The following STAC variants were observed in gnomAD, a reference collection of about 807,000 sequenced individuals.
STAC encodes SH3 and cysteine rich domain.
STAC carries 43 observed loss-of-function variants against 48.8 expected under a neutral mutation model. That is an observed-to-expected ratio of 0.88 (90% CI 0.69 to 1.14). The LOEUF (loss-of-function observed/expected upper bound fraction) is 1.14, where lower values mean the gene tolerates loss of function less well. STAC is among the 50% of genes most tolerant of loss of function. The pLI, the probability that STAC is intolerant of heterozygous loss-of-function variation, is 0.00. For missense variants in STAC, 497 were observed against 504.0 expected (o/e 0.99, Z 0.13); for synonymous variants, 193 against 179.5 (o/e 1.07, Z -0.60).
intron 8 of STAC, among the ~76,000 whole-genome samples, chr3:36,506,847 A>G (rs917823297): frequency 6.6e-6 from 1 of 152,170 alleles, no homozygotes; most frequent in Admixed American, 6.5e-5. Context: ...GGTTTTCTAA[A>G]TATACAATCA....
At chr3:36,414,688 C>A (rs1700277663) in intron 1 of STAC, among the ~76,000 whole-genome samples, 2 of 152,224 alleles carry the variant, frequency 1.3e-5, no homozygotes, top group South Asian at 4.1e-4. Context: ...CATTCTCTGT[C>A]CAGCTTTGTT....
At chr3:36,517,716 A>G (rs1698706311) in intron 8 of STAC, among the ~76,000 whole-genome samples, 1 of 152,198 alleles carries the variant, frequency 6.6e-6, no homozygotes, top group African/African-American at 2.4e-5. Flanking sequence ...GAACCCTATT[A>G]TAATCAGCAC....
chr3:36,525,207 T>C (rs1698904351), intron 8 of STAC, among the ~76,000 whole-genome samples: 1 of 152,166 alleles, frequency 6.6e-6, no homozygotes, highest in African/African-American at 2.4e-5. Flanking sequence ...AAATATTTGT[T>C]GAATGAGTGG....
At chr3:36,534,158 G>A (rs1176671543) in intron 10 of STAC, among the ~76,000 whole-genome samples, 1 of 152,196 alleles carries the variant, frequency 6.6e-6, no homozygotes, top group East Asian at 1.9e-4. Flanking sequence ...GTGTCATACA[G>A]AAATGGATCT....
At chr3:36,483,256 C>A (rs1697705383) in intron 3 of STAC, among the ~76,000 whole-genome samples, 164 bp downstream of exon 3, 1 of 152,222 alleles carries the variant, frequency 6.6e-6, no homozygotes, top group East Asian at 1.9e-4. Context: ...AAAACAAGGA[C>A]AAGGGCTTTG....
intron 2 of STAC, among the ~76,000 whole-genome samples, chr3:36,451,184 G>C (rs902438875): frequency 1.3e-5 from 2 of 151,978 alleles, no homozygotes; most frequent in African/African-American, 4.8e-5. Flanking sequence ...CTTTTTAATA[G>C]CTTCTCATCT....
chr3:36,380,722 T>A lies in STAC; in HGVS notation c.79T>A (p.Ser27Thr), dbSNP rs1346327178. 1.2e-6 allele frequency: 2 copies of A among 1,611,726 alleles called. No individual in the cohort carries two copies. The highest frequency in any genetic ancestry group is 3.3e-5 in the Admixed American group (2 of 59,880). The change falls in exon 1 of 11, where the codon TCT (serine) becomes ACT (threonine). Residue 27 changes from serine (S) to threonine (T), a missense_variant. By Grantham distance (58) the Ser-to-Thr change is moderately conservative. Transcript: ENST00000273183. ...GGCGGTGGGCGCCGAGCAACCGCCC[T>A]CTCCTGCATCCACCAGCAGCCAGGA... is the stretch of plus-strand genomic sequence containing the variant. ...KEAVGAEQPP[S>T]PASTSSQESK...
chr3:36,538,167 TA>T (rs1242904771), intron 10 of STAC, among the ~76,000 whole-genome samples: 1 of 152,132 alleles, frequency 6.6e-6, no homozygotes, highest in African/African-American at 2.4e-5. Flanking sequence ...TCCTAACATT[TA>T]AAAAATTTAG....
intron 1 of STAC, among the ~76,000 whole-genome samples, chr3:36,385,153 T>C (rs182984874): frequency 1.3e-5 from 2 of 152,132 alleles, no homozygotes; most frequent in Non-Finnish European, 2.9e-5. Flanking sequence ...AGTGTATACA[T>C]AAACCCAAGT....
At chr3:36,465,870 G>C (rs1391002006) in intron 2 of STAC, among the ~76,000 whole-genome samples, 1 of 152,076 alleles carries the variant, frequency 6.6e-6, no homozygotes, top group Non-Finnish European at 1.5e-5. Flanking sequence ...GTGCCCACCA[G>C]ATTAAGGGTG....
At chr3:36,438,251 T>C (rs1696212086) in intron 1 of STAC, among the ~76,000 whole-genome samples, 1 of 152,148 alleles carries the variant, frequency 6.6e-6, no homozygotes, top group African/African-American at 2.4e-5. Flanking sequence ...ATTTAATGAA[T>C]GAATGATACC....
chr3:36,398,320 CAAGAAAGAAAGAAAGAAAGA>C lies in STAC; in HGVS notation c.111+17597_111+17616del, dbSNP rs71288102. On this transcript the variant is annotated intron_variant, in intron 1 of 10. Transcript: ENST00000273183. ...AAAAGAAAGAAAGAAAGAAAGAAAGCAAGAAAGAAAGAAAGAAAGAAAGAAAGAAAGAAAGAAAGAAAGAA... is the reference window on the plus strand; with the variant it reads ...AAAAGAAAGAAAGAAAGAAAGAAAGCAAGAAAGAAAGAAAGAAAGAAAGAA... 7.5e-3 allele frequency among the ~76,000 whole-genome samples: 620 copies of C among 82,232 alleles called. 3 individuals carry two copies. The highest frequency in any genetic ancestry group is 0.012 in the Non-Finnish European group (479 of 39,382). The allele number at this position is 82,232 out of a possible 152,430, so 53.9% of individuals were successfully genotyped here.
At chr3:36,489,339 A>C (rs1331297711) in intron 5 of STAC, among the ~76,000 whole-genome samples, 1 of 152,174 alleles carries the variant, frequency 6.6e-6, no homozygotes, top group Non-Finnish European at 1.5e-5. Context: ...TGACCTCAGA[A>C]TCCTCCGGGA....
chr3:36,510,282 A>T (rs1275793343), intron 8 of STAC, among the ~76,000 whole-genome samples: 1 of 152,196 alleles, frequency 6.6e-6, no homozygotes, highest in Non-Finnish European at 1.5e-5. Context: ...TAGAATGGTG[A>T]TCATTAAAAA....
chr3:36,392,881 TTCAC>T (rs1386964980), intron 1 of STAC, among the ~76,000 whole-genome samples: 2 of 152,206 alleles, frequency 1.3e-5, no homozygotes, highest in African/African-American at 4.8e-5. Flanking sequence ...CCTACTCTAA[TTCAC>T]TCCAGCACTA....
intron 1 of STAC, among the ~76,000 whole-genome samples, chr3:36,427,928 C>A (rs756447784): frequency 6.6e-6 from 1 of 152,142 alleles, no homozygotes; most frequent in African/African-American, 2.4e-5. Flanking sequence ...CAAGCCCACA[C>A]TGAGGAACAT....
intron 1 of STAC, among the ~76,000 whole-genome samples, chr3:36,433,347 A>T (rs1700751208): frequency 6.6e-6 from 1 of 152,196 alleles, no homozygotes; most frequent in South Asian, 2.1e-4. Flanking sequence ...GATGGCCGTA[A>T]TCCAGCAGGA....
intron 10 of STAC, 63 bp from the exon 11 acceptor site, chr3:36,546,128 A>T: frequency 7.3e-7 from 1 of 1,369,108 alleles, no homozygotes; most frequent in Non-Finnish European, 1.0e-6. Context: ...TTCAAGCTGC[A>T]GGTTCTAACT....
intron 1 of STAC, among the ~76,000 whole-genome samples, chr3:36,409,877 A>G (rs904204543): frequency 2.6e-5 from 4 of 152,094 alleles, no homozygotes; most frequent in Non-Finnish European, 5.9e-5. Context: ...TTGAGAGGAG[A>G]TTTGTTCATG....
Sources: gnomAD v4.1 joint callset for allele counts (sites outside exome capture counted in the v4.1 genomes callset) on GRCh38, gnomAD v4.1.1 for gene constraint, MANE v1.5 for transcripts, NCBI Gene and HGNC (gene_info 2026-07-23, HGNC 2026-07-21) for gene names.